The following CTTNBP2NL variants were observed in gnomAD, a reference collection of about 807,000 sequenced individuals.
CTTNBP2NL encodes the protein CTTNBP2 N-terminal-like protein.
CTTNBP2NL carries 16 observed loss-of-function variants against 32.5 expected under a neutral mutation model. That is an observed-to-expected ratio of 0.49 (90% CI 0.33 to 0.75). CTTNBP2NL has a LOEUF of 0.75. Among genes scored for constraint, CTTNBP2NL ranks in the 30% least tolerant of loss-of-function variants. The pLI is 0.02. For synonymous variants in CTTNBP2NL, 298 were observed against 289.4 expected, an observed-to-expected ratio of 1.03 and a Z score of -0.30; for missense variants, 645 against 756.0, an observed-to-expected ratio of 0.85 and a Z score of 1.72.
chr1:112,394,204 A>AT (rs966571265), upstream of CTTNBP2NL, among the ~76,000 whole-genome samples: 3 of 146,294 alleles, frequency 2.1e-5, no homozygotes, highest in Non-Finnish European at 4.5e-5. Flanking sequence ...CTCCATCTCG[A>AT]TAAAAAAAAA....
chr1:112,408,561 T>C (rs1315871732), intron 1 of CTTNBP2NL, among the ~76,000 whole-genome samples: 1 of 152,192 alleles, frequency 6.6e-6, no homozygotes, highest in Non-Finnish European at 1.5e-5. Context: ...TTGTATACAT[T>C]TTAATTTTTT....
chr1:112,399,318 CAAAAAAAAAA>C (rs72332884), intron 1 of CTTNBP2NL, among the ~76,000 whole-genome samples: 3 of 78,050 alleles, frequency 3.8e-5, no homozygotes, highest in African/African-American at 9.6e-5. Flanking sequence ...GACTCTGTCT[CAAAAAAAAAA>C]AAAAAAAAAA....
At chr1:112,449,602 A>C (rs1307359405) in intron 4 of CTTNBP2NL, among the ~76,000 whole-genome samples, 1 of 152,020 alleles carries the variant, frequency 6.6e-6, no homozygotes, top group African/African-American at 2.4e-5. Flanking sequence ...CACAGAAGCC[A>C]ATAGATTATT....
chr1:112,424,401 A>C (rs1649328605), intron 3 of CTTNBP2NL, among the ~76,000 whole-genome samples: 1 of 152,204 alleles, frequency 6.6e-6, no homozygotes, highest in Admixed American at 6.5e-5. Context: ...CCTTGATGCC[A>C]GTACCACACT....
Position 112,456,751 on chromosome 1 carries a change from C to G in CTTNBP2NL, c.1259C>G (p.Ser420Cys). The G allele has an allele frequency of 3.7e-6, 6 of 1,614,130 alleles. No individual in the cohort carries two copies. The highest frequency in any genetic ancestry group is 5.1e-6 in the Non-Finnish European group (6 of 1,180,026). The part of the protein sequence containing the change: ...GSSLSPSSTA[S>C]SSLTSSPCSS... ...TCACTGTCTCCCAGCAGCACTGCCT[C>G]CTCCTCTCTAACATCCTCTCCTTGC... is the stretch of plus-strand genomic sequence containing the variant. Residue 420 changes from serine (S) to cysteine (C), a missense_variant, in exon 6 of 6, where the codon TCC (serine) becomes TGC (cysteine). Coordinates refer to ENST00000271277, the MANE Select transcript of CTTNBP2NL (RefSeq NM_018704.3).
At chr1:112,392,167 G>C (rs1451900941), upstream of CTTNBP2NL, among the ~76,000 whole-genome samples, 1 of 152,146 alleles carries the variant, frequency 6.6e-6, no homozygotes, top group Non-Finnish European at 1.5e-5. Context: ...GTAATTTTGA[G>C]AGTGCACTTT....
intron 1 of CTTNBP2NL, among the ~76,000 whole-genome samples, chr1:112,407,203 A>T (rs1648692430): frequency 6.6e-6 from 1 of 152,188 alleles, no homozygotes; most frequent in African/African-American, 2.4e-5. Context: ...AGGAAGGCTT[A>T]GATCCCCCTT....
chr1:112,394,335 G>GGATA (rs1648259410), upstream of CTTNBP2NL, among the ~76,000 whole-genome samples: 1 of 152,000 alleles, frequency 6.6e-6, no homozygotes, highest in Non-Finnish European at 1.5e-5. Flanking sequence ...AGGCGATGAG[G>GGATA]CACTTCCTCA....
At chr1:112,397,251 C>A (rs948181228) in intron 1 of CTTNBP2NL, among the ~76,000 whole-genome samples, 1 of 152,132 alleles carries the variant, frequency 6.6e-6, no homozygotes. Context: ...GAGTATATCC[C>A]AGTCTAGGGT....
intron 5 of CTTNBP2NL, among the ~76,000 whole-genome samples, chr1:112,454,920 A>G (rs1174086042): frequency 2.0e-5 from 3 of 152,222 alleles, no homozygotes; most frequent in African/African-American, 7.2e-5. Context: ...TAGAACCCCC[A>G]GTAAGAAGTG....
At chr1:112,400,712 A>C (rs558677295) in intron 1 of CTTNBP2NL, among the ~76,000 whole-genome samples, 1 of 152,114 alleles carries the variant, frequency 6.6e-6, no homozygotes, top group African/African-American at 2.4e-5. Context: ...GAATGGCTTT[A>C]ACCCGGGAGA....
intron 5 of CTTNBP2NL, 133 bp from the exon 6 acceptor site, chr1:112,455,798 T>C (rs1650343003): frequency 3.1e-6 from 2 of 647,424 alleles, no homozygotes; most frequent in Admixed American, 6.5e-5. Context: ...TGTTAGGTGT[T>C]CTAAAATTTC....
At chr1:112,394,205 TAAAAAAA>T (rs60528857), upstream of CTTNBP2NL, among the ~76,000 whole-genome samples, 4 of 73,318 alleles carry the variant, frequency 5.5e-5, no homozygotes, top group Admixed American at 1.6e-4. Flanking sequence ...TCCATCTCGA[TAAAAAAA>T]AAAAAAAAAA....
At position 112,422,413 on chromosome 1, in the gene CTTNBP2NL, T is replaced by C. The variant is rs116198584; in HGVS notation, c.99+6149T>C. On this transcript the variant is annotated intron_variant, in intron 3 of 5. Transcript: ENST00000271277. ...ATCTGTTGATAAACATTTGTATTGT[T>C]TCTAATTTGGGACTTTATAATTAAA... Among the ~76,000 whole-genome samples the C allele has an allele frequency of 6.3e-3, 962 of 152,340 alleles. 9 individuals are homozygous for C. The highest frequency in any genetic ancestry group is 0.022 in the African/African-American group (905 of 41,576).
chr1:112,408,526 C>T (rs1261416979), intron 1 of CTTNBP2NL, among the ~76,000 whole-genome samples: 1 of 151,940 alleles, frequency 6.6e-6, no homozygotes, highest in Non-Finnish European at 1.5e-5. Context: ...GTGTCAACAC[C>T]TTCTACCTCC....
chr1:112,416,825 T>A, intron 3 of CTTNBP2NL, among the ~76,000 whole-genome samples: 1 of 152,130 alleles, frequency 6.6e-6, no homozygotes, highest in East Asian at 1.9e-4. Flanking sequence ...GGCCCTTAGC[T>A]GTTTTTGAAC....
At chr1:112,428,492 C>T (rs748298078) in intron 3 of CTTNBP2NL, among the ~76,000 whole-genome samples, 3 of 152,004 alleles carry the variant, frequency 2.0e-5, no homozygotes, top group Non-Finnish European at 4.4e-5. Context: ...CTGAATCTGC[C>T]TAAAAAACCA....
chr1:112,404,462 C>T (rs112675980), intron 1 of CTTNBP2NL, among the ~76,000 whole-genome samples: 4,555 of 152,158 alleles, frequency 0.03, 246 homozygotes, highest in African/African-American at 0.1. Context: ...GGAGTTTCTC[C>T]CCAGTGTGGA....
At position 112,457,471 on chromosome 1, in the gene CTTNBP2NL, C is replaced by A; in HGVS notation, c.*59C>A. On this transcript the variant is annotated 3_prime_UTR_variant, in exon 6 of 6. Coordinates refer to ENST00000271277, the MANE Select transcript of CTTNBP2NL (RefSeq NM_018704.3). ...ATCAGATTTCGTCCAAAAGCTCAGT[C>A]AGACTTCTGAGTCAGATTATGTTAT... 7.1e-7 allele frequency: 1 copy of A among 1,414,126 alleles called. No homozygotes were observed. The highest frequency in any genetic ancestry group is 1.3e-5 in the South Asian group (1 of 75,156). 87.6% of individuals were successfully genotyped at this position (1,414,126 alleles called of 1,614,324 possible).
Sources: allele counts gnomAD v4.1 joint callset (sites outside exome capture counted in the v4.1 genomes callset), GRCh38; gene constraint gnomAD v4.1.1; transcripts MANE v1.5; gene names NCBI Gene and HGNC (gene_info 2026-07-23, HGNC 2026-07-21).